Variants in DLC1 observed in about 807,000 individuals in gnomAD.
The protein encoded by DLC1 is DLC1 Rho GTPase activating protein, also known as rho GTPase-activating protein 7.
Under a neutral mutation model 140.3 loss-of-function variants are expected in DLC1, and 54 were observed. The ratio of observed to expected loss-of-function variants is 0.38; its 90% confidence interval spans 0.31 to 0.48. DLC1 has a LOEUF of 0.48. Ranked by LOEUF, DLC1 falls within the 20% of genes least tolerant of loss-of-function variation. The pLI, the probability that DLC1 is intolerant of heterozygous loss-of-function variation, is 0.96. For synonymous variants in DLC1, 986 were observed against 728.1 expected, an observed-to-expected ratio of 1.35 and a Z score of -5.70; for missense variants, 2,536 against 1,907.0, an observed-to-expected ratio of 1.33 and a Z score of -6.14.
intron 5 of DLC1, among the ~76,000 whole-genome samples, chr8:13,242,218 A>G (rs1033048934): frequency 1.4e-4 from 21 of 152,066 alleles, no homozygotes; most frequent in Non-Finnish European, 2.9e-5. Context: ...TAGGGAAGGC[A>G]TCTTTCCTAG....
rs954345986 is a variant in DLC1, at chr8:13,083,713, T to C, written c.*2098A>G. 2 of 152,656 alleles carry C rather than the reference T, an allele frequency of 1.3e-5. No homozygotes were observed. Among genetic ancestry groups the C allele is most frequent in the Admixed American group, 1.3e-4 (2 of 15,270 alleles). 9.5% of individuals were successfully genotyped at this position (152,656 alleles called of 1,614,324 possible). A position where few individuals can be genotyped will look rare whatever the true frequency, so the allele number is the denominator to read the frequency against. On this transcript the variant is annotated 3_prime_UTR_variant, in exon 18 of 18. Transcript: ENST00000276297. ...AACTGGACCTTTGTTGGAGAGAATCTCCGTGCTTCCTGAACCTTCACCAGG... is the reference window on the plus strand; with the variant it reads ...AACTGGACCTTTGTTGGAGAGAATCCCCGTGCTTCCTGAACCTTCACCAGG...
At chr8:13,358,800 C>G (rs572776044) in intron 4 of DLC1, among the ~76,000 whole-genome samples, 2 of 152,108 alleles carry the variant, frequency 1.3e-5, no homozygotes, top group Non-Finnish European at 2.9e-5. Flanking sequence ...TCTTTACTTT[C>G]TCTTTAGGTA....
intron 5 of DLC1, among the ~76,000 whole-genome samples, chr8:13,186,711 C>T (rs1195743945): frequency 6.6e-6 from 1 of 152,204 alleles, no homozygotes; most frequent in African/African-American, 2.4e-5. Context: ...GAGCTGCAGT[C>T]CTTTGGAGGA....
At chr8:13,137,710 G>A (rs990140174) in intron 5 of DLC1, among the ~76,000 whole-genome samples, 8 of 149,776 alleles carry the variant, frequency 5.3e-5, no homozygotes, top group African/African-American at 1.7e-4. Flanking sequence ...AAGCAATTCT[G>A]CCTCAGCCTC....
At chr8:13,226,001 C>A (rs1391699463) in intron 5 of DLC1, among the ~76,000 whole-genome samples, 2 of 152,144 alleles carry the variant, frequency 1.3e-5, no homozygotes, top group African/African-American at 2.4e-5. Context: ...CAGCCTTGAA[C>A]TCCAGGGCTC....
intron 5 of DLC1, among the ~76,000 whole-genome samples, chr8:13,281,823 G>C (rs1481793237): frequency 6.6e-6 from 1 of 152,124 alleles, no homozygotes; most frequent in Non-Finnish European, 1.5e-5. Context: ...ATTTCCTTTT[G>C]ACTGCTGAAT....
intron 5 of DLC1, among the ~76,000 whole-genome samples, chr8:13,298,889 C>G (rs964807210): frequency 2.6e-5 from 4 of 152,084 alleles, no homozygotes; most frequent in African/African-American, 9.7e-5. Context: ...TTTTTTAAGC[C>G]ATTTTTGGCT....
chr8:13,364,531 A>C lies in DLC1; in HGVS notation c.1314+29022T>G, dbSNP rs533109019. ...AGGCTGGTCTCGAACTCCCAACCTCAGGTGATCCTCCCGCCTTGGCCTTCC... is the reference window on the plus strand; with the variant it reads ...AGGCTGGTCTCGAACTCCCAACCTCCGGTGATCCTCCCGCCTTGGCCTTCC... On this transcript the variant is annotated intron_variant, in intron 4 of 17. Coordinates refer to ENST00000276297, the MANE Select transcript of DLC1 (RefSeq NM_182643.3). Among the ~76,000 whole-genome samples, 8 of 152,242 alleles carry C rather than the reference A, an allele frequency of 5.3e-5. No homozygotes were observed. In the South Asian group the frequency reaches 1.5e-3, roughly 28 times the overall value.
At position 13,099,654 on chromosome 8, in the gene DLC1, C is replaced by A; in HGVS notation, c.2683G>T (p.Ala895Ser). ...AAGATGTCCTCGTTCTCCAGATCCGCCAGGTCCCCTGAACTGGAGTAGAGG... is the reference window on the plus strand; with the variant it reads ...AAGATGTCCTCGTTCTCCAGATCCGACAGGTCCCCTGAACTGGAGTAGAGG... ...SILYSSSGDL[A>S]DLENEDIFPE... The change falls in exon 9 of 18, where the codon GCG becomes TCG. Residue 895 changes from alanine (A) to serine (S), a missense_variant. Transcript: ENST00000276297. The A allele has an allele frequency of 1.9e-6, 3 of 1,614,170 alleles. No individual in the cohort carries two copies. Among genetic ancestry groups the A allele is most frequent in the Non-Finnish European group, 2.5e-6 (3 of 1,180,036 alleles).
In DLC1 at chr8:13,195,824, C is replaced by A. The variant is rs541163151; in HGVS notation, c.1349-80167G>T. Among the ~76,000 whole-genome samples the A allele has an allele frequency of 3.9e-5, 6 of 152,168 alleles. No individual in the cohort carries two copies. In the South Asian group the frequency reaches 1.2e-3, roughly 32 times the overall value. ...CGTGGTTGACCTATAGCAGCACTAT[C>A]CTTCTCTTGGATTTTCGGAATCATT... is the stretch of plus-strand genomic sequence containing the variant. On this transcript the variant is annotated intron_variant, in intron 5 of 17. Coordinates refer to ENST00000276297, the MANE Select transcript of DLC1 (RefSeq NM_182643.3).
At chr8:13,489,412 TACACACACAC>T (rs10558551) in intron 2 of DLC1, among the ~76,000 whole-genome samples, 121 of 132,270 alleles carry the variant, frequency 9.1e-4, no homozygotes, top group Non-Finnish European at 1.5e-3. Context: ...ACACACACCA[TACACACACAC>T]ACACACACAC....
intron 2 of DLC1, among the ~76,000 whole-genome samples, chr8:13,491,102 T>C (rs549398900): frequency 6.9e-6 from 1 of 145,268 alleles, no homozygotes; most frequent in African/African-American, 2.6e-5. Context: ...ATTTAATATT[T>C]TTTATATATA....
chr8:13,595,428 A>G (rs933044688), intron 1 of DLC1, among the ~76,000 whole-genome samples: 1 of 152,074 alleles, frequency 6.6e-6, no homozygotes, highest in African/African-American at 2.4e-5. Context: ...TTAGTATTTA[A>G]AAGTGATTTT....
At chr8:13,346,375 A>G (rs938740839) in intron 4 of DLC1, among the ~76,000 whole-genome samples, 1 of 152,232 alleles carries the variant, frequency 6.6e-6, no homozygotes, top group African/African-American at 2.4e-5. Flanking sequence ...TCCAGTTAGC[A>G]CCAGGAACGA....
rs868733222 is a variant in DLC1 at position 13,241,032 on chromosome 8, G to C, written c.1348+64237C>G. ...AATAAATCCTGAAGACAGAAAGGGA[G>C]ACAGCCAGGGAGAAAAGAAGGGGAG... On this transcript the variant is annotated intron_variant, in intron 5 of 17. Coordinates refer to ENST00000276297, the MANE Select transcript of DLC1 (RefSeq NM_182643.3). Among the ~76,000 whole-genome samples, 3 of 152,292 alleles carry C rather than the reference G, an allele frequency of 2.0e-5. No homozygotes were observed. In the South Asian group the frequency reaches 6.2e-4, roughly 32 times the overall value.
intron 1 of DLC1, among the ~76,000 whole-genome samples, chr8:13,597,061 G>A (rs939263227): frequency 6.6e-6 from 1 of 151,852 alleles, no homozygotes; most frequent in African/African-American, 2.4e-5. Context: ...GCAAGGACAA[G>A]TAAATTCATA....
At chr8:13,163,539 G>C (rs530559655) in intron 5 of DLC1, among the ~76,000 whole-genome samples, 1 of 152,230 alleles carries the variant, frequency 6.6e-6, no homozygotes, top group East Asian at 1.9e-4. Context: ...AGGCACTTTT[G>C]TGTGTGGGGT....
chr8:13,371,263 C>T (rs1203034711), intron 4 of DLC1, among the ~76,000 whole-genome samples: 1 of 152,218 alleles, frequency 6.6e-6, no homozygotes, highest in African/African-American at 2.4e-5. Flanking sequence ...ATCATTTTGT[C>T]CCTGGATTTC....
At chr8:13,128,433 C>T (rs1382126406) in intron 5 of DLC1, among the ~76,000 whole-genome samples, 2 of 152,162 alleles carry the variant, frequency 1.3e-5, no homozygotes, top group African/African-American at 4.8e-5. Flanking sequence ...AACATTACAG[C>T]TGCCTACCTA....
Sources: allele counts gnomAD v4.1 joint callset (sites outside exome capture counted in the v4.1 genomes callset), GRCh38; gene constraint gnomAD v4.1.1; transcripts MANE v1.5; gene names NCBI Gene and HGNC (gene_info 2026-07-23, HGNC 2026-07-21).